Variants in SLC39A11 observed in about 807,000 individuals in gnomAD.
The protein encoded by SLC39A11 is zinc transporter ZIP11.
SLC39A11 carries 33 observed loss-of-function variants against 36.1 expected under a neutral mutation model. The observed-to-expected ratio is 0.91, with a 90% confidence interval of 0.69 to 1.22. SLC39A11 has a LOEUF of 1.22. SLC39A11 is among the 50% of genes most tolerant of loss of function. The pLI is 0.00. For missense variants in SLC39A11, 432 were observed against 430.3 expected, an observed-to-expected ratio of 1.00 and a Z score of -0.03; for synonymous variants, 166 against 170.3, an observed-to-expected ratio of 0.97 and a Z score of 0.20.
At chr17:72,716,084 C>A (rs942243021) in intron 7 of SLC39A11, among the ~76,000 whole-genome samples, 2 of 152,016 alleles carry the variant, frequency 1.3e-5, no homozygotes, top group African/African-American at 4.8e-5. Context: ...TCGTTCTCCT[C>A]GCACCCTCCC....
intron 6 of SLC39A11, among the ~76,000 whole-genome samples, chr17:72,807,544 A>G (rs1598818176): frequency 6.6e-6 from 1 of 152,226 alleles, no homozygotes; most frequent in East Asian, 1.9e-4. Context: ...AGAATTATCA[A>G]CCCCACCCAC....
intron 3 of SLC39A11, among the ~76,000 whole-genome samples, chr17:73,035,465 G>A (rs1293006375): frequency 6.6e-6 from 1 of 152,058 alleles, no homozygotes; most frequent in East Asian, 1.9e-4. Context: ...GGGCGAGTGG[G>A]GTAGAAAAGA....
chr17:72,735,981 C>G (rs371791046), intron 7 of SLC39A11, among the ~76,000 whole-genome samples: 110 of 152,260 alleles, frequency 7.2e-4, no homozygotes, highest in African/African-American at 2.5e-3. Context: ...ACAGCGGTGA[C>G]AGGGAACCCT....
At chr17:72,767,397 G>A (rs1391177351) in intron 6 of SLC39A11, among the ~76,000 whole-genome samples, 1 of 152,214 alleles carries the variant, frequency 6.6e-6, no homozygotes, top group Non-Finnish European at 1.5e-5. Flanking sequence ...AGGAAAAGGT[G>A]AGGGCTGCAC....
intron 4 of SLC39A11, among the ~76,000 whole-genome samples, chr17:73,004,219 G>GAAAAGA (rs1555674188): frequency 2.8e-4 from 22 of 79,276 alleles, no homozygotes; most frequent in African/African-American, 1.6e-3. Flanking sequence ...AAGAAAGAAA[G>GAAAAGA]AAAGAAAGAA....
At chr17:72,812,460 T>C (rs546142178) in intron 6 of SLC39A11, among the ~76,000 whole-genome samples, 1 of 152,348 alleles carries the variant, frequency 6.6e-6, no homozygotes, top group African/African-American at 2.4e-5. Context: ...AATTGCATCA[T>C]TCAGATTGCA....
chr17:73,019,524 A>G (rs1032850804), intron 4 of SLC39A11, among the ~76,000 whole-genome samples: 2 of 152,214 alleles, frequency 1.3e-5, no homozygotes. Context: ...AAGGTAGACT[A>G]TGATGGACCA....
intron 3 of SLC39A11, chr17:73,068,165 G>A (rs182688950): frequency 2.0e-4 from 253 of 1,268,136 alleles, no homozygotes; most frequent in African/African-American, 1.9e-3. Context: ...CTCTGTTCCC[G>A]GAGAAACTGC....
At chr17:72,764,105 T>A (rs748623732) in intron 6 of SLC39A11, among the ~76,000 whole-genome samples, 6 of 152,152 alleles carry the variant, frequency 3.9e-5, no homozygotes, top group Admixed American at 1.3e-4. Flanking sequence ...TAGAGTCCAG[T>A]GGGAAGGCCC....
At chr17:72,655,783 G>T (rs1205320469) in intron 7 of SLC39A11, among the ~76,000 whole-genome samples, 1 of 152,166 alleles carries the variant, frequency 6.6e-6, no homozygotes, top group African/African-American at 2.4e-5. Flanking sequence ...TGGTATTCGG[G>T]GATATGGATG....
At chr17:72,704,080 A>G (rs2072777850) in intron 7 of SLC39A11, among the ~76,000 whole-genome samples, 1 of 152,248 alleles carries the variant, frequency 6.6e-6, no homozygotes, top group Non-Finnish European at 1.5e-5. Flanking sequence ...GTGAGCTGCG[A>G]TCATGCCACT....
chr17:72,882,775 G>T (rs1373544257), intron 5 of SLC39A11, among the ~76,000 whole-genome samples: 1 of 147,988 alleles, frequency 6.8e-6, no homozygotes, highest in African/African-American at 2.5e-5. Context: ...CACACAACCT[G>T]CTTGAGGGAG....
intron 6 of SLC39A11, among the ~76,000 whole-genome samples, chr17:72,760,761 C>T (rs917126937): frequency 2.0e-5 from 3 of 152,194 alleles, no homozygotes; most frequent in African/African-American, 7.2e-5. Flanking sequence ...AGAACCAGCT[C>T]GGCAGGCAAC....
At chr17:72,952,734 C>G (rs1376305440) in intron 4 of SLC39A11, among the ~76,000 whole-genome samples, 9 of 152,180 alleles carry the variant, frequency 5.9e-5, no homozygotes, top group Admixed American at 5.9e-4. Context: ...TCACTCAATC[C>G]TTATAGCCCT....
intron 6 of SLC39A11, among the ~76,000 whole-genome samples, chr17:72,826,076 T>C (rs555348823): frequency 2.2e-4 from 33 of 152,322 alleles, no homozygotes; most frequent in African/African-American, 6.5e-4. Flanking sequence ...GGTTTGGATT[T>C]GTGTCCCCAC....
At chr17:72,951,644 A>G (rs540754686) in intron 4 of SLC39A11, among the ~76,000 whole-genome samples, 37 of 152,270 alleles carry the variant, frequency 2.4e-4, no homozygotes, top group African/African-American at 8.4e-4. Context: ...AAAATAAGCC[A>G]TATCTGTAAT....
chr17:72,914,703 A>T (rs983285757), intron 5 of SLC39A11, among the ~76,000 whole-genome samples: 8 of 152,144 alleles, frequency 5.3e-5, no homozygotes, highest in Non-Finnish European at 1.2e-4. Context: ...CAACATGGCT[A>T]CTAAAAATAC....
chr17:73,076,003 A>T (rs2060307663), intron 3 of SLC39A11, among the ~76,000 whole-genome samples: 1 of 152,254 alleles, frequency 6.6e-6, no homozygotes, highest in Non-Finnish European at 1.5e-5. Context: ...AGTGTTTGGC[A>T]GAACACCTTG....
intron 7 of SLC39A11, among the ~76,000 whole-genome samples, chr17:72,700,998 G>C (rs2072585548): frequency 6.6e-6 from 1 of 152,228 alleles, no homozygotes; most frequent in Non-Finnish European, 1.5e-5. Flanking sequence ...ATATCAGGCT[G>C]ACACACGTGG....
Sources: allele counts gnomAD v4.1 joint callset (sites outside exome capture counted in the v4.1 genomes callset), GRCh38; gene constraint gnomAD v4.1.1; transcripts MANE v1.5; gene names NCBI Gene and HGNC (gene_info 2026-07-23, HGNC 2026-07-21).